POU2F3: variants seen among roughly 807,000 people sequenced by gnomAD.
POU2F3 encodes the protein POU class 2 homeobox 3.
A neutral mutation model predicts 59.2 loss-of-function variants in POU2F3; 23 were observed. The observed-to-expected ratio is 0.39, with a 90% CI of 0.28 to 0.55. The LOEUF (loss-of-function observed/expected upper bound fraction) is 0.55. Among genes scored for constraint, POU2F3 ranks in the 20% least tolerant of loss-of-function variants. The pLI is 0.66. For synonymous variants in POU2F3, 190 were observed against 214.6 expected (o/e 0.89, Z 1.00); for missense variants, 473 against 544.5 (o/e 0.87, Z 1.31).
At position 120,272,300 on chromosome 11, in the gene POU2F3, C is replaced by G. The variant is rs189473123; in HGVS notation, c.132+3056C>G. ...TTGACAGGCTGAGCCAGGATTTGAA[C>G]CCATATCTCTTTGACTCCAGAGCCC... On this transcript the variant is annotated intron_variant, in intron 3 of 12. Transcript: ENST00000543440. Among the ~76,000 whole-genome samples the G allele has an allele frequency of 2.6e-5, 4 of 152,254 alleles. No homozygotes were observed. The East Asian group carries it at 5.8e-4, about 22-fold the overall frequency.
At chr11:120,306,372 G>T (rs1941488073) in intron 8 of POU2F3, among the ~76,000 whole-genome samples, 1 of 152,158 alleles carries the variant, frequency 6.6e-6, no homozygotes, top group African/African-American at 2.4e-5. Flanking sequence ...GTAAGCCAAG[G>T]GACCTCACAT....
intron 3 of POU2F3, among the ~76,000 whole-genome samples, chr11:120,286,091 AC>A (rs1035154226): frequency 6.6e-6 from 1 of 151,686 alleles, no homozygotes; most frequent in Non-Finnish European, 1.5e-5. Context: ...TGCCATGTTG[AC>A]CAGGGTGGTC....
Position 120,240,375 on chromosome 11 carries a change from AG to A in POU2F3, c.28+8del. ...AATCTGGAGTCCATGCACACAGGTG[AG>A]GGGCGGAGGGAATGAGCTCTGACAG... On this transcript the variant is annotated splice_donor_5th_base_variant and intron_variant, in intron 1 of 12. Transcript: ENST00000543440. 2 of 1,423,816 alleles carry A rather than the reference AG, an allele frequency of 1.4e-6. No homozygotes were observed. The highest frequency in any genetic ancestry group is 1.9e-6 in the Non-Finnish European group (2 of 1,079,054). The allele number at this position is 1,423,816 out of a possible 1,614,324, so 88.2% of individuals were successfully genotyped here.
In POU2F3 at chr11:120,319,367, G is replaced by T. The variant is rs553205017; in HGVS notation, c.*975G>T. 4 of 152,372 alleles carry T rather than the reference G, an allele frequency of 2.6e-5. No homozygotes were observed. In the East Asian group the frequency reaches 7.7e-4, roughly 29 times the overall value. The allele number at this position is 152,372 out of a possible 1,614,324, so 9.4% of individuals were successfully genotyped here. A position where few individuals can be genotyped will look rare whatever the true frequency, so the allele number is the denominator to read the frequency against. ...ATATTTTATCTTCTTTAAAAAAAAG[G>T]GGGGGAAATACCAAAGTGTGAAATA... On this transcript the variant is annotated 3_prime_UTR_variant, in exon 13 of 13. Transcript: ENST00000543440.
At chr11:120,254,958 C>T (rs1939276014) in intron 2 of POU2F3, 1 of 152,284 alleles carries the variant, frequency 6.6e-6, no homozygotes, top group African/African-American at 2.4e-5. Context: ...CTCCCAAAAG[C>T]ATCAGTGCTG....
intron 2 of POU2F3, among the ~76,000 whole-genome samples, chr11:120,249,401 CA>C (rs1337344725): frequency 2.0e-5 from 3 of 152,178 alleles, no homozygotes; most frequent in Middle Eastern, 6.3e-3. Flanking sequence ...GGCTGGAGTG[CA>C]GTGGTGCAGT....
Position 120,318,355 on chromosome 11 carries a change from C to G in POU2F3, c.1274C>G (p.Ser425Cys), listed in dbSNP as rs1429651982. 2.5e-6 allele frequency: 4 copies of G among 1,604,562 alleles called. No homozygotes were observed. Among genetic ancestry groups the G allele is most frequent in the East Asian group, 2.2e-5 (1 of 44,840 alleles). The change falls in exon 13 of 13, where the codon TCT becomes TGT. Residue 425 changes from serine to cysteine, a missense_variant and splice_region_variant. Transcript: ENST00000543440. ...NSASSFNSSG[S>C]WYRWNHSTYL... ...ATTGACTTCTTTCTTCCTTCCAGAT[C>G]TTGGTACCGATGGAATCATTCCACC...
chr11:120,248,656 C>T (rs1173451242), intron 2 of POU2F3, among the ~76,000 whole-genome samples: 2 of 152,164 alleles, frequency 1.3e-5, no homozygotes, highest in African/African-American at 4.8e-5. Context: ...ACTTTACCAC[C>T]ACCAGGAGAT....
At chr11:120,301,961 A>C (rs777340907) in intron 5 of POU2F3, 4 of 215,276 alleles carry the variant, frequency 1.9e-5, no homozygotes, top group Non-Finnish European at 2.7e-5. Context: ...GGTTTTCTTC[A>C]GCTCTGGTAA....
At chr11:120,300,795 C>T (rs1292190742) in intron 5 of POU2F3, 1 of 293,032 alleles carries the variant, frequency 3.4e-6, no homozygotes, top group African/African-American at 2.2e-5. Context: ...GAAGTATAAA[C>T]TCTCTCCTGT....
intron 8 of POU2F3, among the ~76,000 whole-genome samples, chr11:120,307,235 G>A (rs1406088751): frequency 6.6e-6 from 1 of 152,226 alleles, no homozygotes; most frequent in African/African-American, 2.4e-5. Context: ...GAGGGCCATG[G>A]AGGGTCACGG....
intron 3 of POU2F3, among the ~76,000 whole-genome samples, chr11:120,297,749 C>A (rs760555283): frequency 6.6e-6 from 1 of 152,088 alleles, no homozygotes; most frequent in Non-Finnish European, 1.5e-5. Flanking sequence ...AAAAGAATAT[C>A]ATCTCAGAAT....
intron 12 of POU2F3, 53 bp from the exon 13 acceptor site, chr11:120,318,300 A>T (rs1222660811): frequency 1.3e-6 from 2 of 1,530,916 alleles, no homozygotes; most frequent in African/African-American, 2.7e-5. Context: ...CCCCATTCCC[A>T]TCTTACGCCA....
rs1938600192 is a variant in POU2F3, at chr11:120,240,199, A to C, written c.-145A>C. The C allele has an allele frequency of 1.6e-6, 2 of 1,236,372 alleles. No individual in the cohort carries two copies. The highest frequency in any genetic ancestry group is 2.0e-6 in the Non-Finnish European group (2 of 983,098). The allele number at this position is 1,236,372 out of a possible 1,614,324, so 76.6% of individuals were successfully genotyped here. A position where few individuals can be genotyped will look rare whatever the true frequency, so the allele number is the denominator to read the frequency against. ...GGGCCGGAGCAGCGGAGCGCGCGAC[A>C]GTGGCGGCGACGGCTCCGGCAGCGG... On this transcript the variant is annotated 5_prime_UTR_variant, in exon 1 of 13. Coordinates refer to ENST00000543440, the MANE Select transcript of POU2F3 (RefSeq NM_014352.4).
chr11:120,295,122 G>T (rs1941155737), intron 3 of POU2F3, among the ~76,000 whole-genome samples: 1 of 152,120 alleles, frequency 6.6e-6, no homozygotes, highest in Non-Finnish European at 1.5e-5. Flanking sequence ...AGTCTGAAGG[G>T]CAATTGATCC....
At chr11:120,268,429 C>T (rs922913209) in intron 2 of POU2F3, among the ~76,000 whole-genome samples, 5 of 152,136 alleles carry the variant, frequency 3.3e-5, no homozygotes, top group Admixed American at 1.3e-4. Context: ...CAGCCTCTAC[C>T]TCCTGGGCTC....
intron 2 of POU2F3, among the ~76,000 whole-genome samples, chr11:120,255,542 G>A (rs761544795): frequency 6.6e-6 from 1 of 152,106 alleles, no homozygotes; most frequent in Non-Finnish European, 1.5e-5. Flanking sequence ...AAATGAGGAT[G>A]ATTAAGGTTT....
rs997602101 is a variant in POU2F3 at position 120,249,255 on chromosome 11, C to G, written c.97+2738C>G. Reference sequence around the variant, plus strand: ...ACAAGGGACCAGCCAAAGCTCAGAGCCCCTGTTCAGTACTCTTTCCTCTTT... The same window carrying G: ...ACAAGGGACCAGCCAAAGCTCAGAGGCCCTGTTCAGTACTCTTTCCTCTTT... On this transcript the variant is annotated intron_variant, in intron 2 of 12. Coordinates refer to ENST00000543440, the MANE Select transcript of POU2F3 (RefSeq NM_014352.4). Among the ~76,000 whole-genome samples, 20 of 152,234 alleles carry G rather than the reference C, an allele frequency of 1.3e-4. 1 individual carries two copies.
In POU2F3 at chr11:120,298,259, T is replaced by C. The variant is rs910071942; in HGVS notation, c.133-6T>C. 4.3e-6 allele frequency: 7 copies of C among 1,610,146 alleles called. No individual in the cohort carries two copies. Among genetic ancestry groups the C allele is most frequent in the Non-Finnish European group, 5.9e-6 (7 of 1,178,660 alleles). ...ACTGACGCTCTCCTCTTGCTTCCAC[T>C]TGCAGATTAAAACCGAAGATCTCAG... On this transcript the variant is annotated splice_polypyrimidine_tract_variant and splice_region_variant and intron_variant, in intron 3 of 12. Coordinates refer to ENST00000543440, the MANE Select transcript of POU2F3 (RefSeq NM_014352.4).
Sources: allele counts gnomAD v4.1 joint callset (sites outside exome capture counted in the v4.1 genomes callset), GRCh38; gene constraint gnomAD v4.1.1; transcripts MANE v1.5; gene names NCBI Gene and HGNC (gene_info 2026-07-23, HGNC 2026-07-21).